The following CUX2 variants were observed in gnomAD, a reference collection of about 807,000 sequenced individuals.
CUX2 encodes homeobox protein cut-like 2.
Under a neutral mutation model 144.8 loss-of-function variants are expected in CUX2, and 40 were observed. That is an observed-to-expected ratio of 0.28 (90% confidence interval 0.21 to 0.36). The LOEUF (loss-of-function observed/expected upper bound fraction) is 0.36. CUX2 is among the 10% of genes least tolerant of loss of function. The probability of loss-of-function intolerance (pLI) is 1.00; values close to 1 mark genes in which losing one functional copy is unlikely to be tolerated. For missense variants in CUX2, 1,615 were observed against 1,994.0 expected (o/e 0.81, Z 3.62); for synonymous variants, 827 against 875.6 (o/e 0.94, Z 0.98).
At chr12:111,282,499 G>A (rs529026923) in intron 4 of CUX2, among the ~76,000 whole-genome samples, 25 of 151,730 alleles carry the variant, frequency 1.6e-4, no homozygotes, top group Non-Finnish European at 1.5e-4. Context: ...GGTGGCCTGC[G>A]CCTGTAGTCC....
At chr12:111,040,687 A>G (rs569845158) in intron 1 of CUX2, among the ~76,000 whole-genome samples, 1 of 152,306 alleles carries the variant, frequency 6.6e-6, no homozygotes, top group African/African-American at 2.4e-5. Flanking sequence ...GAACCCTCTC[A>G]GGGTATGGTC....
At position 111,140,227 on chromosome 12, in the gene CUX2, C is replaced by A. The variant is rs149664631; in HGVS notation, c.64-73973C>A. Among the ~76,000 whole-genome samples, 67 of 152,288 alleles carry A rather than the reference C, an allele frequency of 4.4e-4. 1 individual carries two copies. The highest frequency in any genetic ancestry group is 6.0e-4 in the Non-Finnish European group (41 of 68,008). ...GGTGAGCTGGAAACCCATTTAACAACTTTCTGAGGACCCCTGCAAGGCTAT... is the reference window on the plus strand; with the variant it reads ...GGTGAGCTGGAAACCCATTTAACAAATTTCTGAGGACCCCTGCAAGGCTAT... On this transcript the variant is annotated intron_variant, in intron 1 of 21. Transcript: ENST00000261726.
chr12:111,077,401 C>T lies in CUX2; in HGVS notation c.63+43161C>T, dbSNP rs989629268. ...GGACTGGCGCGGCCATGCCATCGAC[C>T]TGAACCCCCTGGACTTCTGCCCCCC... On this transcript the variant is annotated intron_variant, in intron 1 of 21. Coordinates refer to ENST00000261726, the MANE Select transcript of CUX2 (RefSeq NM_015267.4). This position sits in a 1 kb window ranked among gnomAD's most constrained non-coding sequence, Gnocchi z 4.1. Among the ~76,000 whole-genome samples, 2 of 152,136 alleles carry T rather than the reference C, an allele frequency of 1.3e-5. No homozygotes were observed. The highest frequency in any genetic ancestry group is 6.5e-5 in the Admixed American group (1 of 15,280).
intron 19 of CUX2, among the ~76,000 whole-genome samples, chr12:111,335,236 C>CA (rs1565929479): frequency 6.6e-6 from 1 of 151,586 alleles, no homozygotes; most frequent in East Asian, 1.9e-4. Flanking sequence ...ACTAAAAATA[C>CA]AAAAAAATTA....
At position 111,295,760 on chromosome 12, in the gene CUX2, T is replaced by TAATA. The variant is rs1885947971; in HGVS notation, c.637+354_637+355insAAAT. Among the ~76,000 whole-genome samples the TAATA allele has an allele frequency of 6.6e-6, 1 of 151,260 alleles. No homozygotes were observed. Among genetic ancestry groups the TAATA allele is most frequent in the South Asian group, 2.1e-4 (1 of 4,788 alleles). The stretch of plus-strand genomic sequence containing the variant: ...TGGCAAGACCCTGTCTCTAATTAAT[T>TAATA]AATTAATTAATTAATTAATTTAATA... On this transcript the variant is annotated intron_variant, in intron 7 of 21. Transcript: ENST00000261726. This position sits in a 1 kb window ranked among gnomAD's most constrained non-coding sequence, Gnocchi z 5.0.
Position 111,348,068 on chromosome 12 carries a change from T to A in CUX2, c.4204T>A (p.Ser1402Thr). ...GTCACTGAACTCGCCCTCGGCCGCC[T>A]CCTCACCAGGCCTCATGATGTCTGT... The part of the protein sequence containing the change: ...EVSLNSPSAA[S>T]SPGLMMSVSP... The change falls in exon 22 of 22, where the codon TCC becomes ACC. Residue 1402 changes from serine to threonine, a missense_variant. Coordinates refer to ENST00000261726, the MANE Select transcript of CUX2 (RefSeq NM_015267.4). 6.2e-7 allele frequency: 1 copy of A among 1,613,988 alleles called. No individual in the cohort carries two copies. The highest frequency in any genetic ancestry group is 8.5e-7 in the Non-Finnish European group (1 of 1,179,998).
chr12:111,207,987 G>A (rs578113376), intron 1 of CUX2, among the ~76,000 whole-genome samples: 11 of 152,100 alleles, frequency 7.2e-5, no homozygotes, highest in Non-Finnish European at 1.3e-4. Flanking sequence ...GAAGGTTCTG[G>A]TGCATTTCGG....
chr12:111,291,594 A>G, intron 5 of CUX2, 42 bp downstream of exon 5: 1 of 1,516,274 alleles, frequency 6.6e-7, no homozygotes, highest in Non-Finnish European at 8.8e-7. Flanking sequence ...ATAAACAACC[A>G]GGCTGCAGAT....
In CUX2 at chr12:111,255,410, G is replaced by A. The variant is rs538332445; in HGVS notation, c.223-8351G>A. Among the ~76,000 whole-genome samples the A allele has an allele frequency of 6.6e-6, 1 of 152,366 alleles. No homozygotes were observed. Among genetic ancestry groups the A allele is most frequent in the South Asian group, 2.1e-4 (1 of 4,828 alleles). ...AGAGAGCACGTTAGCACTCGCCAGG[G>A]AACGGGGGCCCCAGCAGACACACCT... On this transcript the variant is annotated intron_variant, in intron 3 of 21. Transcript: ENST00000261726. The surrounding 1 kb of genome is among the most constrained non-coding windows in gnomAD (Gnocchi z 4.1).
intron 16 of CUX2, among the ~76,000 whole-genome samples, chr12:111,313,660 T>A (rs1273027308): frequency 6.7e-6 from 1 of 150,202 alleles, no homozygotes; most frequent in African/African-American, 2.4e-5. Flanking sequence ...AAAAAAAAAA[T>A]GGGGACTGTA....
intron 21 of CUX2, 68 bp downstream of exon 21, chr12:111,342,121 G>A: frequency 6.5e-7 from 1 of 1,530,136 alleles, no homozygotes; most frequent in East Asian, 2.3e-5. Flanking sequence ...CCCATCCCAG[G>A]GCCTGGAGGG....
At position 111,034,181 on chromosome 12, in the gene CUX2, G is replaced by A; in HGVS notation, c.4G>A (p.Ala2Thr). The A allele has an allele frequency of 1.4e-6, 2 of 1,400,946 alleles. No individual in the cohort carries two copies. Among genetic ancestry groups the A allele is most frequent in the East Asian group, 3.9e-5 (1 of 25,516 alleles). 86.8% of individuals were successfully genotyped at this position (1,400,946 alleles called of 1,614,324 possible). A position where few individuals can be genotyped will look rare whatever the true frequency, so the allele number is the denominator to read the frequency against. M[A>T]ANVGSMFQYW... The stretch of plus-strand genomic sequence containing the variant: ...GCGCGTCTCGATAGCCCCCAAGATG[G>A]CCGCCAATGTGGGATCGATGTTTCA... The change falls in exon 1 of 22, where the codon GCC (alanine) becomes ACC (threonine). Residue 2 changes from alanine to threonine, a missense_variant. By Grantham distance (58) the Ala-to-Thr change is moderately conservative (BLOSUM62 0). This residue lies in a region of CUX2 where 64 missense variants were observed against 64.9 expected (regional missense o/e 0.99). Transcript: ENST00000261726. The surrounding 1 kb of genome is among the most constrained non-coding windows in gnomAD (Gnocchi z 4.2).
chr12:111,280,500 G>A (rs1176679723), intron 4 of CUX2, among the ~76,000 whole-genome samples: 1 of 152,144 alleles, frequency 6.6e-6, no homozygotes, highest in East Asian at 1.9e-4. Flanking sequence ...AAACACAGCA[G>A]AGCAGATTCC....
intron 1 of CUX2, among the ~76,000 whole-genome samples, chr12:111,159,613 G>C (rs568909744): frequency 6.6e-6 from 1 of 152,332 alleles, no homozygotes; most frequent in East Asian, 1.9e-4. Context: ...AATGATTTCA[G>C]AATAAACAAT....
chr12:111,041,992 C>T (rs61943031), intron 1 of CUX2, among the ~76,000 whole-genome samples: 11,682 of 152,266 alleles, frequency 0.077, 812 homozygotes, highest in East Asian at 0.33. Context: ...GAAACCCCTC[C>T]GGAGCACACC....
rs578004395 is a variant in CUX2, at chr12:111,059,230, G to T, written c.63+24990G>T. Among the ~76,000 whole-genome samples the T allele has an allele frequency of 9.8e-5, 15 of 152,348 alleles. No individual in the cohort carries two copies. In the South Asian group the frequency reaches 2.3e-3, roughly 23 times the overall value. On this transcript the variant is annotated intron_variant, in intron 1 of 21. Transcript: ENST00000261726. The surrounding 1 kb of genome is among the most constrained non-coding windows in gnomAD (Gnocchi z 5.3). ...CTGCCACACTGGTCAGCTGGAGGGG[G>T]CCCCTCTTTGCAGGGCTTCTCGGGG...
At position 111,347,717 on chromosome 12, in the gene CUX2, A is replaced by G. The variant is rs754915130; in HGVS notation, c.3853A>G (p.Ser1285Gly). ...LELQEGPEEN[S>G]TPLTTQDKAQ... The stretch of plus-strand genomic sequence containing the variant: ...GCTTCAGGAGGGCCCTGAGGAGAAC[A>G]GCACACCCCTGACCACCCAGGACAA... The change falls in exon 22 of 22, where the codon AGC (serine) becomes GGC (glycine). Residue 1285 changes from serine to glycine, a missense_variant. This residue lies in a region of CUX2 where 298 missense variants were observed against 330.4 expected (regional missense o/e 0.90). Coordinates refer to ENST00000261726, the MANE Select transcript of CUX2 (RefSeq NM_015267.4). The G allele has an allele frequency of 9.3e-6, 15 of 1,613,652 alleles. No homozygotes were observed. The East Asian group carries it at 3.3e-4, about 36-fold the overall frequency.
intron 16 of CUX2, among the ~76,000 whole-genome samples, chr12:111,315,122 A>G (rs1868830089): frequency 1.3e-5 from 2 of 152,110 alleles, no homozygotes; most frequent in Admixed American, 6.6e-5. Flanking sequence ...AAAAATACAA[A>G]GGTTATTGCC....
At chr12:111,311,594 A>ATTTTTTTTT (rs767367160) in intron 15 of CUX2, among the ~76,000 whole-genome samples, 15 of 133,670 alleles carry the variant, frequency 1.1e-4, no homozygotes, top group East Asian at 2.4e-4. Context: ...CTATTTCTTT[A>ATTTTTTTTT]TTATTATTAT....
Sources: gnomAD v4.1 joint callset for allele counts (sites outside exome capture counted in the v4.1 genomes callset) on GRCh38, gnomAD v4.1.1 for gene constraint, gnomAD v4.1.1 regional missense constraint, Gnocchi (gnomAD v3.1) non-coding constraint, MANE v1.5 for transcripts, NCBI Gene and HGNC (gene_info 2026-07-23, HGNC 2026-07-21) for gene names.